The following ADAMTS20 variants were observed in gnomAD, a reference collection of about 807,000 sequenced individuals.
ADAMTS20 encodes ADAM metallopeptidase with thrombospondin type 1 motif 20.
A neutral mutation model predicts 260.1 loss-of-function variants in ADAMTS20; 225 were observed. The ratio of observed to expected loss-of-function variants is 0.87; its 90% confidence interval spans 0.78 to 0.97. The LOEUF (loss-of-function observed/expected upper bound fraction) is 0.97. Ranked by LOEUF, ADAMTS20 falls within the 50% of genes least tolerant of loss-of-function variation. ADAMTS20 has a pLI of 0.00. For missense variants in ADAMTS20, 2,400 were observed against 2,337.7 expected (o/e 1.03, Z -0.55); for synonymous variants, 802 against 769.5 (o/e 1.04, Z -0.70).
chr12:43,396,974 G>A (rs769018025), intron 29 of ADAMTS20, among the ~76,000 whole-genome samples: 66 of 152,264 alleles, frequency 4.3e-4, no homozygotes, highest in Admixed American at 1.8e-3. Flanking sequence ...TAGGAACTGG[G>A]AGTTAACTGC....
chr12:43,533,423 T>C (rs1359429581), intron 2 of ADAMTS20, among the ~76,000 whole-genome samples: 1 of 131,824 alleles, frequency 7.6e-6, no homozygotes, highest in Admixed American at 7.7e-5. Context: ...TTACAAGGGA[T>C]GTGAAGGACC....
At chr12:43,365,939 T>A (rs1939974757) in intron 37 of ADAMTS20, among the ~76,000 whole-genome samples, 1 of 151,706 alleles carries the variant, frequency 6.6e-6, no homozygotes, top group South Asian at 2.1e-4. Context: ...CAGAAAACAT[T>A]CACTGAATAA....
At chr12:43,529,144 A>G (rs1274906050) in intron 3 of ADAMTS20, among the ~76,000 whole-genome samples, 1 of 152,176 alleles carries the variant, frequency 6.6e-6, no homozygotes, top group African/African-American at 2.4e-5. Context: ...TAAAAAGTCA[A>G]AAAACAATAG....
At chr12:43,421,215 T>A (rs1941227299) in intron 28 of ADAMTS20, among the ~76,000 whole-genome samples, 1 of 144,136 alleles carries the variant, frequency 6.9e-6, no homozygotes, top group African/African-American at 2.5e-5. Context: ...AGAAGGACAT[T>A]TTTTTTAAGA....
Position 43,551,091 on chromosome 12 carries a change from GCTGGA to G in ADAMTS20, c.266_270del (p.Phe89SerfsTer66). The G allele has an allele frequency of 6.2e-7, 1 of 1,613,916 alleles. No homozygotes were observed. Among genetic ancestry groups the G allele is most frequent in the Non-Finnish European group, 8.5e-7 (1 of 1,179,856 alleles). On this transcript the variant is annotated frameshift_variant, in exon 2 of 39. Transcript: ENST00000389420. LOFTEE classifies it high-confidence loss of function. The surrounding 1 kb of genome is among the most constrained non-coding windows in gnomAD (Gnocchi z 4.6). Reference sequence around the variant, plus strand: ...AAGGATGCATCGGCGGTCAGGTTCAGCTGGAAGAGCTGCCCGTAGGCAGTGAAGCG... The same window carrying G: ...AAGGATGCATCGGCGGTCAGGTTCAGAGAGCTGCCCGTAGGCAGTGAAGCG...
chr12:43,540,875 T>C (rs1001960637), intron 2 of ADAMTS20, among the ~76,000 whole-genome samples: 3 of 152,232 alleles, frequency 2.0e-5, no homozygotes, highest in East Asian at 1.9e-4. Flanking sequence ...GTTAAGTGAC[T>C]ATAAAACTGG....
intron 7 of ADAMTS20, among the ~76,000 whole-genome samples, chr12:43,471,001 A>T (rs1942245286): frequency 6.6e-6 from 1 of 152,226 alleles, no homozygotes; most frequent in Non-Finnish European, 1.5e-5. Flanking sequence ...GCCGAATAGG[A>T]ACAGCTCCGG....
At chr12:43,446,938 G>A (rs1277852154) in intron 14 of ADAMTS20, among the ~76,000 whole-genome samples, 1 of 151,928 alleles carries the variant, frequency 6.6e-6, no homozygotes. Flanking sequence ...AAGACTGAAG[G>A]TGGAAGAAAG....
chr12:43,409,493 T>G (rs1038193970), intron 28 of ADAMTS20, among the ~76,000 whole-genome samples: 1 of 145,068 alleles, frequency 6.9e-6, no homozygotes, highest in African/African-American at 2.6e-5. Flanking sequence ...TCCCAGCTAC[T>G]TGGGAGGCTG....
Position 43,411,209 on chromosome 12 carries a change from T to C in ADAMTS20, c.4285-11976A>G, listed in dbSNP as rs146223202. ...GACAGAAAGGGATTCTGCTATCCTT[T>C]AGTCTTCAAAATTATCAAATAAGTG... is the stretch of plus-strand genomic sequence containing the variant. On this transcript the variant is annotated intron_variant, in intron 28 of 38. Transcript: ENST00000389420. 7.7e-4 allele frequency among the ~76,000 whole-genome samples: 117 copies of C among 152,338 alleles called. 1 individual carries two copies. The highest frequency in any genetic ancestry group is 2.7e-3 in the African/African-American group (114 of 41,586).
At chr12:43,509,380 G>A (rs1237405425) in intron 3 of ADAMTS20, among the ~76,000 whole-genome samples, 2 of 151,622 alleles carry the variant, frequency 1.3e-5, no homozygotes, top group Non-Finnish European at 2.9e-5. Context: ...AGATCTCAGG[G>A]GTTTAATTTC....
chr12:43,507,834 G>T lies in ADAMTS20; in HGVS notation c.614-5429C>A, dbSNP rs545493068. 5.3e-5 allele frequency among the ~76,000 whole-genome samples: 8 copies of T among 152,260 alleles called. No homozygotes were observed. In the South Asian group the frequency reaches 1.7e-3, roughly 32 times the overall value. ...CATAAAAAGGAACGAGGTATCTTTT[G>T]GAGGACATGGATGAAGCTGGAGGCC... On this transcript the variant is annotated intron_variant, in intron 3 of 38. Coordinates refer to ENST00000389420, the MANE Select transcript of ADAMTS20 (RefSeq NM_025003.5).
intron 28 of ADAMTS20, among the ~76,000 whole-genome samples, chr12:43,403,299 T>C (rs533964402): frequency 3.9e-5 from 6 of 152,260 alleles, no homozygotes; most frequent in South Asian, 2.1e-4. Flanking sequence ...GGAGTCTTCT[T>C]GATTAATTCT....
rs141420559 is a variant in ADAMTS20, at chr12:43,447,619, T to C, written c.2080-907A>G. Among the ~76,000 whole-genome samples the C allele has an allele frequency of 5.5e-3, 838 of 151,866 alleles. 8 individuals are homozygous for C. Among genetic ancestry groups the C allele is most frequent in the Middle Eastern group, 0.014 (4 of 294 alleles). Reference sequence around the variant, plus strand: ...GCCCTCTCACCACTCCTATTTAACATAGTACTGAAAGTCCTGGCCAGAACA... The same window carrying C: ...GCCCTCTCACCACTCCTATTTAACACAGTACTGAAAGTCCTGGCCAGAACA... On this transcript the variant is annotated intron_variant, in intron 14 of 38. Coordinates refer to ENST00000389420, the MANE Select transcript of ADAMTS20 (RefSeq NM_025003.5).
At position 43,446,663 on chromosome 12, in the gene ADAMTS20, C is replaced by T. The variant is rs1202445719; in HGVS notation, c.2129G>A (p.Cys710Tyr). The change falls in exon 15 of 39, where the codon TGT becomes TAT. Residue 710 changes from cysteine (C) to tyrosine (Y), a missense_variant. Transcript: ENST00000389420. Reference sequence around the variant, plus strand: ...AGAGTTGTCCCCACCACACACTCCACATTTGTCTATCTTGGCACTGGAGTT... The same window carrying T: ...AGAGTTGTCCCCACCACACACTCCATATTTGTCTATCTTGGCACTGGAGTT... ...VLNSSAKIDK[C>Y]GVCGGDNSSC... The T allele has an allele frequency of 6.2e-7, 1 of 1,613,330 alleles. No individual in the cohort carries two copies. Among genetic ancestry groups the T allele is most frequent in the Non-Finnish European group, 8.5e-7 (1 of 1,179,552 alleles).
At chr12:43,533,313 G>A (rs1943251608) in intron 2 of ADAMTS20, among the ~76,000 whole-genome samples, 1 of 151,566 alleles carries the variant, frequency 6.6e-6, no homozygotes, top group Admixed American at 6.6e-5. Context: ...CAGTGATGAT[G>A]AGCATTTCTT....
intron 7 of ADAMTS20, among the ~76,000 whole-genome samples, chr12:43,488,417 A>G (rs1942554828): frequency 6.6e-6 from 1 of 152,140 alleles, no homozygotes; most frequent in Non-Finnish European, 1.5e-5. Flanking sequence ...GTGACTTCGA[A>G]CTTCTTTGAT....
intron 31 of ADAMTS20, 27 bp downstream of exon 31, chr12:43,383,531 A>T: frequency 6.4e-7 from 1 of 1,570,142 alleles, no homozygotes; most frequent in South Asian, 1.2e-5. Context: ...AGGAGCAAAA[A>T]TTCTCAACTT....
At chr12:43,379,942 C>G (rs1000363969) in intron 31 of ADAMTS20, among the ~76,000 whole-genome samples, 1 of 151,876 alleles carries the variant, frequency 6.6e-6, no homozygotes, top group African/African-American at 2.4e-5. Flanking sequence ...CACTGCCTAA[C>G]TCATCCTATG....
Sources: allele counts gnomAD v4.1 joint callset (sites outside exome capture counted in the v4.1 genomes callset), GRCh38; gene constraint gnomAD v4.1.1; non-coding constraint Gnocchi (gnomAD v3.1); transcripts MANE v1.5; gene names NCBI Gene and HGNC (gene_info 2026-07-23, HGNC 2026-07-21).